GDA: variants seen among roughly 807,000 people sequenced by gnomAD.
The protein encoded by GDA is guanine deaminase.
A neutral mutation model predicts 59.6 loss-of-function variants in GDA; 18 were observed. That is an observed-to-expected ratio of 0.30 (90% CI 0.21 to 0.45). The LOEUF (loss-of-function observed/expected upper bound fraction) is 0.45, where lower values mean the gene tolerates loss of function less well. GDA is among the 20% of genes least tolerant of loss of function. The pLI, the probability that GDA is intolerant of heterozygous loss-of-function variation, is 1.00. For missense variants in GDA, 427 were observed against 552.3 expected (o/e 0.77, Z 2.27); for synonymous variants, 201 against 201.1 (o/e 1.00, Z 0.00).
chr9:72,245,927 A>G (rs931087436), intron 12 of GDA, among the ~76,000 whole-genome samples: 1 of 152,252 alleles, frequency 6.6e-6, no homozygotes, highest in African/African-American at 2.4e-5. Context: ...TCCTAAAAAA[A>G]GAATTAAGTA....
At chr9:72,204,416 A>C (rs768118648) in intron 3 of GDA, among the ~76,000 whole-genome samples, 9 of 152,212 alleles carry the variant, frequency 5.9e-5, no homozygotes, top group Non-Finnish European at 8.8e-5. Context: ...GGGGGAAGGA[A>C]AAGTAAAATA....
chr9:72,146,908 A>G (rs1297215730), upstream of GDA, among the ~76,000 whole-genome samples: 4 of 152,192 alleles, frequency 2.6e-5, no homozygotes, highest in Admixed American at 2.6e-4. Context: ...AAGTGGAACT[A>G]TGCATTGCTC....
At chr9:72,174,588 C>G (rs977886950) in intron 1 of GDA, among the ~76,000 whole-genome samples, 2 of 152,142 alleles carry the variant, frequency 1.3e-5, no homozygotes, top group South Asian at 4.2e-4. Flanking sequence ...GTGCCTGGTG[C>G]TATGAGGATC....
At chr9:72,162,660 ATT>A (rs112825046) in intron 1 of GDA, among the ~76,000 whole-genome samples, 27,421 of 145,492 alleles carry the variant, frequency 0.19, 2,794 homozygotes, top group African/African-American at 0.29. Flanking sequence ...CAGATTTACA[ATT>A]TTTTTTTTTT....
intron 1 of GDA, among the ~76,000 whole-genome samples, chr9:72,142,674 T>C (rs570056531): frequency 2.6e-5 from 4 of 152,264 alleles, no homozygotes; most frequent in Non-Finnish European, 4.4e-5. Flanking sequence ...CAAGATATCA[T>C]TGGCTTGTGA....
chr9:72,128,616 A>G (rs892022277), intron 1 of GDA, among the ~76,000 whole-genome samples: 2 of 152,192 alleles, frequency 1.3e-5, no homozygotes, highest in Non-Finnish European at 2.9e-5. Context: ...CTGTGTAACT[A>G]GAGTGAATTA....
intron 10 of GDA, among the ~76,000 whole-genome samples, chr9:72,236,890 C>T (rs916859187): frequency 6.6e-6 from 1 of 151,220 alleles, no homozygotes; most frequent in South Asian, 2.1e-4. Flanking sequence ...AGTGATTCTC[C>T]TGCCTCAGCC....
chr9:72,193,355 A>G (rs565958622), intron 1 of GDA, among the ~76,000 whole-genome samples: 2 of 152,382 alleles, frequency 1.3e-5, no homozygotes, highest in East Asian at 3.9e-4. Flanking sequence ...AAGCCCAGTA[A>G]TAGTGTGGTT....
chr9:72,219,128 G>A (rs988063434), intron 5 of GDA, among the ~76,000 whole-genome samples: 1 of 152,168 alleles, frequency 6.6e-6, no homozygotes, highest in Non-Finnish European at 1.5e-5. Context: ...TGGTCGGCCG[G>A]TCGCGGTGGT....
At chr9:72,215,942 G>C (rs143895167) in intron 5 of GDA, among the ~76,000 whole-genome samples, 3 of 152,340 alleles carry the variant, frequency 2.0e-5, no homozygotes, top group Admixed American at 1.3e-4. Context: ...CTGCACATAG[G>C]TATCAATCCC....
chr9:72,245,166 A>C lies in GDA; in HGVS notation c.1154A>C (p.Glu385Ala). 1 of 1,613,698 alleles carries C rather than the reference A, an allele frequency of 6.2e-7. No homozygotes were observed. Among genetic ancestry groups the C allele is most frequent in the South Asian group, 1.1e-5 (1 of 91,072 alleles). The change falls in exon 12 of 14, where the codon GAG (glutamate) becomes GCG (alanine). Residue 385 changes from glutamate to alanine, a missense_variant. Coordinates refer to ENST00000358399, the MANE Select transcript of GDA (RefSeq NM_004293.5). ...GGSQALGLDGEIGNFEVGKEF... is the reference protein window; with the variant it reads ...GGSQALGLDGAIGNFEVGKEF... ...TCAATAGCCCTGGGGCTGGATGGTGAGATTGGAAACTTTGAAGTGGGCAAG... is the reference window on the plus strand; with the variant it reads ...TCAATAGCCCTGGGGCTGGATGGTGCGATTGGAAACTTTGAAGTGGGCAAG...
intron 1 of GDA, among the ~76,000 whole-genome samples, chr9:72,165,080 T>G (rs528358338): frequency 1.1e-4 from 16 of 152,234 alleles, no homozygotes; most frequent in Non-Finnish European, 1.8e-4. Flanking sequence ...GTGACTTAAG[T>G]GCACATTCAA....
downstream of GDA, among the ~76,000 whole-genome samples, chr9:72,253,925 G>A (rs1840829371): frequency 6.6e-6 from 1 of 151,966 alleles, no homozygotes; most frequent in Non-Finnish European, 1.5e-5. Flanking sequence ...TGCACATTGT[G>A]CACATGTACC....
chr9:72,227,942 G>A lies in GDA; in HGVS notation c.823-1G>A. 1 of 1,572,364 alleles carries A rather than the reference G, an allele frequency of 6.4e-7. No individual in the cohort carries two copies. The highest frequency in any genetic ancestry group is 1.1e-5 in the South Asian group (1 of 89,494). ...TCCACGTAGGGCACTCTTCTCTCCA[G>A]ACAGTGATGGCACACGGCTGCTACC... is the stretch of plus-strand genomic sequence containing the variant. On this transcript the variant is annotated splice_acceptor_variant, in intron 8 of 13. Coordinates refer to ENST00000358399, the MANE Select transcript of GDA (RefSeq NM_004293.5). LOFTEE classifies it high-confidence loss of function.
intron 1 of GDA, among the ~76,000 whole-genome samples, chr9:72,188,673 G>A (rs1428171761): frequency 2.0e-5 from 3 of 152,212 alleles, no homozygotes; most frequent in Non-Finnish European, 4.4e-5. Context: ...CAAAAATGTG[G>A]GGTTGGGGTT....
chr9:72,203,933 C>T (rs1281907710), intron 3 of GDA, among the ~76,000 whole-genome samples: 2 of 151,992 alleles, frequency 1.3e-5, no homozygotes, highest in Non-Finnish European at 2.9e-5. Flanking sequence ...TCTCCTGCCT[C>T]AGCCTCCCAA....
chr9:72,184,382 T>A (rs11143156), intron 1 of GDA, among the ~76,000 whole-genome samples: 3 of 152,076 alleles, frequency 2.0e-5, no homozygotes, highest in African/African-American at 4.8e-5. Flanking sequence ...CCTCCAACCC[T>A]TGACAACTAC....
chr9:72,192,122 A>G (rs1441035455), intron 1 of GDA, among the ~76,000 whole-genome samples: 12 of 149,364 alleles, frequency 8.0e-5, no homozygotes, highest in South Asian at 2.1e-4. Flanking sequence ...AAGCAAATCT[A>G]TGAGTTATTG....
intron 4 of GDA, among the ~76,000 whole-genome samples, chr9:72,213,143 C>A (rs1835598447): frequency 6.6e-6 from 1 of 152,058 alleles, no homozygotes; most frequent in South Asian, 2.1e-4. Context: ...TGGTGCGTGC[C>A]TGTAATCCAA....
Sources: allele counts gnomAD v4.1 joint callset (sites outside exome capture counted in the v4.1 genomes callset), GRCh38; gene constraint gnomAD v4.1.1; transcripts MANE v1.5; gene names NCBI Gene and HGNC (gene_info 2026-07-23, HGNC 2026-07-21).